The following RGS6 variants were observed in gnomAD, a reference collection of about 807,000 sequenced individuals.
RGS6 encodes regulator of G-protein signaling 6.
Under a neutral mutation model 78.5 loss-of-function variants are expected in RGS6, and 30 were observed. That is an observed-to-expected ratio of 0.38 (90% CI 0.29 to 0.52). The LOEUF (loss-of-function observed/expected upper bound fraction) is 0.52. Among genes scored for constraint, RGS6 ranks in the 20% least tolerant of loss-of-function variants. The probability of loss-of-function intolerance (pLI) is 0.85; values close to 1 mark genes in which losing one functional copy is unlikely to be tolerated. For missense variants in RGS6, 495 were observed against 609.7 expected, an observed-to-expected ratio of 0.81 and a Z score of 1.98; for synonymous variants, 206 against 206.0, an observed-to-expected ratio of 1.00 and a Z score of 0.00.
At chr14:72,036,917 A>G (rs146431755) in intron 2 of RGS6, among the ~76,000 whole-genome samples, 1 of 152,212 alleles carries the variant, frequency 6.6e-6, no homozygotes, top group East Asian at 1.9e-4. Flanking sequence ...TAAATGTGTA[A>G]CTTAGTTTGA....
intron 12 of RGS6, among the ~76,000 whole-genome samples, chr14:72,493,501 G>GA (rs34173663): frequency 6.6e-6 from 1 of 151,506 alleles, no homozygotes; most frequent in Non-Finnish European, 1.5e-5. Flanking sequence ...TATTGAACTG[G>GA]AAAAAAAAAT....
chr14:72,433,996 G>A (rs1413133544), intron 3 of RGS6, among the ~76,000 whole-genome samples: 3 of 152,212 alleles, frequency 2.0e-5, no homozygotes, highest in Non-Finnish European at 4.4e-5. Context: ...CTCTCATCCT[G>A]CAATGCCACC....
At chr14:72,332,325 G>A (rs1010619060) in intron 2 of RGS6, among the ~76,000 whole-genome samples, 13 of 152,352 alleles carry the variant, frequency 8.5e-5, no homozygotes, top group Middle Eastern at 6.8e-3. Flanking sequence ...AGGTTTGCCT[G>A]CATGCTGTGA....
chr14:72,042,250 C>T (rs1304113688), intron 2 of RGS6, among the ~76,000 whole-genome samples: 2 of 151,610 alleles, frequency 1.3e-5, no homozygotes, highest in South Asian at 2.1e-4. Flanking sequence ...GCCTCAGCCT[C>T]CCGAGTAGTT....
intron 3 of RGS6, among the ~76,000 whole-genome samples, chr14:72,384,490 A>T (rs988519932): frequency 6.6e-6 from 1 of 152,234 alleles, no homozygotes; most frequent in Non-Finnish European, 1.5e-5. Context: ...TTACTAGTAT[A>T]ATTTAGTGGT....
rs143856665 is a variant in RGS6 at position 72,544,529 on chromosome 14, G to A, written c.1422+4435G>A. Among the ~76,000 whole-genome samples the A allele has an allele frequency of 4.5e-3, 684 of 152,306 alleles. 5 individuals are homozygous for A. Among genetic ancestry groups the A allele is most frequent in the African/African-American group, 0.015 (630 of 41,560 alleles). ...AGGAGAAGGGAGAGGAGGACCAGGC[G>A]TTCATCCACCTCCTAAGAGAGCATC... On this transcript the variant is annotated intron_variant, in intron 17 of 17. Coordinates refer to ENST00000553525, the MANE Select transcript of RGS6 (RefSeq NM_001204424.2).
At chr14:72,404,329 A>G (rs1027321897) in intron 3 of RGS6, among the ~76,000 whole-genome samples, 1 of 152,192 alleles carries the variant, frequency 6.6e-6, no homozygotes, top group African/African-American at 2.4e-5. Flanking sequence ...GGATGGGATA[A>G]TATTTCCTGA....
At chr14:72,191,931 A>G (rs1599172962) in intron 2 of RGS6, among the ~76,000 whole-genome samples, 1 of 152,114 alleles carries the variant, frequency 6.6e-6, no homozygotes, top group East Asian at 1.9e-4. Context: ...CTGAGCCCCA[A>G]GGTGGGATCA....
At chr14:72,484,931 A>ATT (rs550497245) in intron 12 of RGS6, among the ~76,000 whole-genome samples, 15 of 117,958 alleles carry the variant, frequency 1.3e-4, no homozygotes, top group African/African-American at 3.3e-4. Flanking sequence ...CATCTGGTAG[A>ATT]TTTTTTTTTT....
chr14:72,574,576 C>T, the RGS6 span, among the ~76,000 whole-genome samples: 1 of 152,344 alleles, frequency 6.6e-6, no homozygotes, highest in South Asian at 2.1e-4. Flanking sequence ...GTTATGCCAC[C>T]TACTAAGCTC....
chr14:72,376,843 A>T (rs79094722), intron 3 of RGS6, among the ~76,000 whole-genome samples: 2,484 of 152,326 alleles, frequency 0.016, 31 homozygotes, highest in Non-Finnish European at 0.026. Flanking sequence ...AGAGTCTTAC[A>T]TCTAGAAGCG....
intron 2 of RGS6, among the ~76,000 whole-genome samples, chr14:71,995,943 C>T (rs972008601): frequency 6.6e-6 from 1 of 152,076 alleles, no homozygotes; most frequent in Non-Finnish European, 1.5e-5. Context: ...TGCCGAGTCC[C>T]CTGTGCTTTC....
chr14:72,417,468 G>T (rs1208508570), intron 3 of RGS6, among the ~76,000 whole-genome samples: 1 of 152,198 alleles, frequency 6.6e-6, no homozygotes, highest in Non-Finnish European at 1.5e-5. Flanking sequence ...CCAGGCTGAA[G>T]ATTTGGGCCG....
At chr14:72,441,992 C>T (rs1463712100) in intron 3 of RGS6, among the ~76,000 whole-genome samples, 2 of 152,146 alleles carry the variant, frequency 1.3e-5, no homozygotes, top group East Asian at 1.9e-4. Flanking sequence ...TGCCATGAGG[C>T]CCAGCCATGG....
At chr14:72,022,857 C>T (rs2088994059) in intron 2 of RGS6, among the ~76,000 whole-genome samples, 1 of 148,254 alleles carries the variant, frequency 6.7e-6, no homozygotes, top group Non-Finnish European at 1.5e-5. Context: ...CCTGTAACAA[C>T]CTTTGCTGAA....
At chr14:72,092,299 T>C (rs2095293909) in intron 2 of RGS6, among the ~76,000 whole-genome samples, 1 of 152,072 alleles carries the variant, frequency 6.6e-6, no homozygotes, top group South Asian at 2.1e-4. Flanking sequence ...TGAGCTTATG[T>C]CTTTTTGAAG....
chr14:72,249,346 G>C lies in RGS6; in HGVS notation c.85-102749G>C, dbSNP rs1363685348. 6.6e-5 allele frequency among the ~76,000 whole-genome samples: 10 copies of C among 152,182 alleles called. No individual in the cohort carries two copies. In the East Asian group the frequency reaches 1.9e-3, roughly 29 times the overall value. ...ATTGATAAGAGTCTCTAGTGATTTA[G>C]ACATTTTCCTCTTCCTGGTGCAGAG... On this transcript the variant is annotated intron_variant, in intron 2 of 17. Transcript: ENST00000553525.
intron 2 of RGS6, among the ~76,000 whole-genome samples, chr14:72,096,144 G>A (rs570910047): frequency 2.6e-4 from 40 of 152,152 alleles, no homozygotes; most frequent in African/African-American, 7.9e-4. Context: ...GCGGTGGCAC[G>A]CACCTGTAAT....
chr14:71,922,085 T>C, the RGS6 span, among the ~76,000 whole-genome samples: 3 of 152,308 alleles, frequency 2.0e-5, no homozygotes, highest in African/African-American at 7.2e-5. Flanking sequence ...TCCCAACAGA[T>C]ATGTCAGACC....
Sources: gnomAD v4.1 joint callset for allele counts (sites outside exome capture counted in the v4.1 genomes callset) on GRCh38, gnomAD v4.1.1 for gene constraint, MANE v1.5 for transcripts, NCBI Gene and HGNC (gene_info 2026-07-23, HGNC 2026-07-21) for gene names.